PTPRG: variants seen among roughly 807,000 people sequenced by gnomAD.
The protein encoded by PTPRG is receptor-type tyrosine-protein phosphatase gamma.
PTPRG carries 102 observed loss-of-function variants against 165.3 expected under a neutral mutation model. That is an observed-to-expected ratio of 0.62 (90% CI 0.53 to 0.73). PTPRG has a LOEUF of 0.73. Among genes scored for constraint, PTPRG ranks in the 30% least tolerant of loss-of-function variants. The probability of loss-of-function intolerance (pLI) is 0.00; values close to 1 mark genes in which losing one functional copy is unlikely to be tolerated. For missense variants in PTPRG, 1,866 were observed against 1,861.4 expected (o/e 1.00, Z -0.05); for synonymous variants, 675 against 669.5 (o/e 1.01, Z -0.13).
At chr3:61,989,897 T>C in intron 3 of PTPRG, 93 bp downstream of exon 3, 1 of 1,376,050 alleles carries the variant, frequency 7.3e-7, no homozygotes, top group Non-Finnish European at 1.0e-6. Context: ...GCTCCTTAAA[T>C]AGTGCACATT....
intron 7 of PTPRG, among the ~76,000 whole-genome samples, chr3:62,161,187 G>A (rs114901114): frequency 0.018 from 2,695 of 152,250 alleles, 37 homozygotes; most frequent in Non-Finnish European, 0.029. Flanking sequence ...TGTATAAAGT[G>A]CACATCACAG....
intron 4 of PTPRG, among the ~76,000 whole-genome samples, chr3:62,014,528 A>C (rs1458501317): frequency 6.6e-6 from 1 of 152,158 alleles, no homozygotes; most frequent in Non-Finnish European, 1.5e-5. Context: ...TAGAGCTTCA[A>C]CTCCTGAATC....
At chr3:62,132,712 C>G (rs548286261) in intron 6 of PTPRG, 44 bp downstream of exon 6, 1 of 1,477,754 alleles carries the variant, frequency 6.8e-7, no homozygotes, top group Admixed American at 1.7e-5. Flanking sequence ...ATGTGAAGGG[C>G]TCAGATCTCT....
intron 2 of PTPRG, among the ~76,000 whole-genome samples, chr3:61,808,514 C>G (rs1294640227): frequency 6.6e-6 from 1 of 152,146 alleles, no homozygotes; most frequent in Admixed American, 6.6e-5. Flanking sequence ...TCATCATAAC[C>G]TTCCCAGGCA....
chr3:61,700,204 C>A (rs1195867251), intron 1 of PTPRG, among the ~76,000 whole-genome samples: 1 of 152,180 alleles, frequency 6.6e-6, no homozygotes, highest in African/African-American at 2.4e-5. Context: ...AGAAATAAGT[C>A]AACTCTCACA....
At chr3:61,905,213 G>A (rs1178280689) in intron 2 of PTPRG, among the ~76,000 whole-genome samples, 7 of 152,176 alleles carry the variant, frequency 4.6e-5, no homozygotes. Context: ...TAAGGGCTGG[G>A]GAGGACATAC....
chr3:62,114,331 G>A (rs2106868876), intron 5 of PTPRG, among the ~76,000 whole-genome samples: 1 of 152,124 alleles, frequency 6.6e-6, no homozygotes, highest in Admixed American at 6.5e-5. Context: ...AAAAAACGTA[G>A]ATTTCCTAGG....
intron 2 of PTPRG, among the ~76,000 whole-genome samples, chr3:61,887,595 C>T (rs2038087746): frequency 6.6e-6 from 1 of 152,050 alleles, no homozygotes; most frequent in Non-Finnish European, 1.5e-5. Flanking sequence ...TGCTATTTAA[C>T]CTTTTGATTG....
At chr3:61,909,381 ACT>A (rs1307219813) in intron 2 of PTPRG, among the ~76,000 whole-genome samples, 8 of 151,970 alleles carry the variant, frequency 5.3e-5, no homozygotes, top group African/African-American at 1.9e-4. Flanking sequence ...ATAGGGTCTC[ACT>A]CTGTTTCCCA....
intron 2 of PTPRG, among the ~76,000 whole-genome samples, chr3:61,814,643 G>C (rs1183346124): frequency 6.6e-6 from 1 of 151,892 alleles, no homozygotes; most frequent in African/African-American, 2.4e-5. Flanking sequence ...TAGCTACCTA[G>C]TGTGCTGCTG....
chr3:61,993,700 A>G (rs1283657464), intron 3 of PTPRG, among the ~76,000 whole-genome samples: 2 of 152,218 alleles, frequency 1.3e-5, no homozygotes, highest in Non-Finnish European at 2.9e-5. Context: ...TCCATTTTAT[A>G]TCTATCTTGC....
intron 4 of PTPRG, among the ~76,000 whole-genome samples, chr3:62,039,582 T>C (rs1458981277): frequency 6.6e-6 from 1 of 152,190 alleles, no homozygotes; most frequent in African/African-American, 2.4e-5. Flanking sequence ...TTCTCAATTA[T>C]TGGTAGATCT....
intron 1 of PTPRG, among the ~76,000 whole-genome samples, chr3:61,617,635 A>G (rs1701333404): frequency 1.3e-5 from 2 of 152,036 alleles, no homozygotes; most frequent in Admixed American, 1.3e-4. Flanking sequence ...ACAGCTTTCA[A>G]CCTCCCTCTT....
intron 2 of PTPRG, among the ~76,000 whole-genome samples, chr3:61,944,086 A>G (rs971129132): frequency 4.6e-5 from 7 of 152,046 alleles, no homozygotes; most frequent in African/African-American, 1.7e-4. Context: ...CCTCAACACT[A>G]TTGACATTTT....
chr3:62,136,125 C>T (rs1397516736), intron 6 of PTPRG, among the ~76,000 whole-genome samples: 5 of 152,162 alleles, frequency 3.3e-5, no homozygotes, highest in Admixed American at 6.5e-5. Flanking sequence ...CCTTCCTAAT[C>T]ACACTCCCGT....
At chr3:61,587,508 G>T (rs1344142169) in intron 1 of PTPRG, among the ~76,000 whole-genome samples, 1 of 151,884 alleles carries the variant, frequency 6.6e-6, no homozygotes, top group Non-Finnish European at 1.5e-5. Context: ...ACTTTCTCTT[G>T]CTTAAGTATA....
chr3:62,029,446 C>T (rs986613), intron 4 of PTPRG, among the ~76,000 whole-genome samples: 62,394 of 152,010 alleles, frequency 0.41, 14,140 homozygotes, highest in African/African-American at 0.6. Context: ...ACATTCCTAG[C>T]GCACCCTTAA....
At chr3:62,052,714 G>C (rs1700504358) in intron 4 of PTPRG, among the ~76,000 whole-genome samples, 1 of 151,680 alleles carries the variant, frequency 6.6e-6, no homozygotes, top group Admixed American at 6.6e-5. Flanking sequence ...AGAAAGAAAA[G>C]AAATGGCCTG....
rs549743802 is a variant in PTPRG, at chr3:61,873,889, T to C, written c.191-115736T>C. ...GAGATAGGAGGCAAGAGACTCAACC[T>C]CCTCCTGCCCTGTTGCTTCCCCTTT... On this transcript the variant is annotated intron_variant, in intron 2 of 29. Transcript: ENST00000474889. Among the ~76,000 whole-genome samples the C allele has an allele frequency of 9.2e-5, 14 of 152,330 alleles. No homozygotes were observed. The East Asian group carries it at 1.5e-3, about 17-fold the overall frequency.
Sources: allele counts gnomAD v4.1 joint callset (sites outside exome capture counted in the v4.1 genomes callset), GRCh38; gene constraint gnomAD v4.1.1; transcripts MANE v1.5; gene names NCBI Gene and HGNC (gene_info 2026-07-23, HGNC 2026-07-21).